GABRB2: variants seen among roughly 807,000 people sequenced by gnomAD.
GABRB2 encodes gamma-aminobutyric acid type A receptor subunit beta2, also known as gamma-aminobutyric acid receptor subunit beta-2.
GABRB2 carries 16 observed loss-of-function variants against 54.7 expected under a neutral mutation model. The ratio of observed to expected loss-of-function variants is 0.29; its 90% CI spans 0.20 to 0.44. The LOEUF is 0.44. GABRB2 is among the 20% of genes least tolerant of loss of function. The pLI, the probability that GABRB2 is intolerant of heterozygous loss-of-function variation, is 1.00. For synonymous variants in GABRB2, 244 were observed against 233.8 expected (o/e 1.04, Z -0.40); for missense variants, 355 against 644.0 (o/e 0.55, Z 4.86).
intron 9 of GABRB2, among the ~76,000 whole-genome samples, chr5:161,302,317 T>C (rs1757562854): frequency 6.6e-6 from 1 of 152,206 alleles, no homozygotes. Context: ...ATTTAAAATA[T>C]ATTGTATTAA....
chr5:161,460,789 C>T (rs572473429), intron 3 of GABRB2, among the ~76,000 whole-genome samples: 14 of 152,070 alleles, frequency 9.2e-5, no homozygotes, highest in South Asian at 2.1e-4. Flanking sequence ...GATAAATCAA[C>T]AGAATCATGT....
intron 4 of GABRB2, among the ~76,000 whole-genome samples, chr5:161,432,409 A>C (rs2113179822): frequency 6.6e-6 from 1 of 152,286 alleles, no homozygotes; most frequent in South Asian, 2.1e-4. Flanking sequence ...GAGGGAAATA[A>C]ACTCATTTCC....
At chr5:161,371,185 T>C (rs561215600) in intron 5 of GABRB2, among the ~76,000 whole-genome samples, 1 of 152,070 alleles carries the variant, frequency 6.6e-6, no homozygotes, top group African/African-American at 2.4e-5. Context: ...TACAAGACAA[T>C]ACTTTGTTTC....
intron 1 of GABRB2, 39 bp downstream of exon 1, chr5:161,546,528 A>G (rs749172453): frequency 6.3e-7 from 1 of 1,582,082 alleles, no homozygotes; most frequent in Non-Finnish European, 8.6e-7. Flanking sequence ...AGAACCCTTC[A>G]AAGTGAGAAC....
intron 3 of GABRB2, among the ~76,000 whole-genome samples, chr5:161,527,155 T>C (rs895584161): frequency 6.6e-6 from 1 of 150,816 alleles, no homozygotes; most frequent in Non-Finnish European, 1.5e-5. Context: ...GAAATATTAA[T>C]GAAGCAAATT....
intron 3 of GABRB2, among the ~76,000 whole-genome samples, chr5:161,492,154 T>C (rs1759105577): frequency 6.6e-6 from 1 of 151,664 alleles, no homozygotes; most frequent in Non-Finnish European, 1.5e-5. Flanking sequence ...TAAATATCAT[T>C]AGGATTCCAG....
intron 5 of GABRB2, among the ~76,000 whole-genome samples, chr5:161,370,008 G>A (rs1755086478): frequency 6.6e-6 from 1 of 151,986 alleles, no homozygotes; most frequent in Non-Finnish European, 1.5e-5. Context: ...CAGAATCTCT[G>A]GGTAAGATCT....
intron 4 of GABRB2, chr5:161,459,377 A>G: frequency 1.9e-6 from 1 of 529,002 alleles, no homozygotes; most frequent in Non-Finnish European, 3.4e-6. Flanking sequence ...CTAGTCCTTA[A>G]AGAAAGCAGC....
At chr5:161,464,369 A>G (rs112574019) in intron 3 of GABRB2, among the ~76,000 whole-genome samples, 14 of 152,246 alleles carry the variant, frequency 9.2e-5, no homozygotes, top group African/African-American at 3.1e-4. Flanking sequence ...ATGGAAAACA[A>G]ATTAAAAAAC....
chr5:161,544,260 C>T lies in GABRB2; in HGVS notation c.237+967G>A, dbSNP rs186750036. Among the ~76,000 whole-genome samples the T allele has an allele frequency of 8.8e-4, 134 of 152,292 alleles. 3 individuals carry two copies. The highest frequency in any genetic ancestry group is 3.1e-3 in the African/African-American group (128 of 41,578). The stretch of plus-strand genomic sequence containing the variant: ...CCAAAACACAACCTTCTGAAACGTG[C>T]TGTGTACTATCAGGACTGAAAGTAA... On this transcript the variant is annotated intron_variant, in intron 3 of 9. Coordinates refer to ENST00000393959, the MANE Select transcript of GABRB2 (RefSeq NM_001371727.1).
At position 161,293,285 on chromosome 5, in the gene GABRB2, C is replaced by T. The variant is rs1407066254; in HGVS notation, c.*796G>A. 1 of 152,288 alleles carries T rather than the reference C, an allele frequency of 6.6e-6. No individual in the cohort carries two copies. The allele number at this position is 152,288 out of a possible 1,614,324, so 9.4% of individuals were successfully genotyped here. A position where few individuals can be genotyped will look rare whatever the true frequency, so the allele number is the denominator to read the frequency against. On this transcript the variant is annotated 3_prime_UTR_variant, in exon 10 of 10. Transcript: ENST00000393959. Reference sequence around the variant, plus strand: ...CTGTGTGGAGCTGATAAGGGTCATGCTTTCTTGCTTGCTTGCTTTTTGTTA... The same window carrying T: ...CTGTGTGGAGCTGATAAGGGTCATGTTTTCTTGCTTGCTTGCTTTTTGTTA...
intron 5 of GABRB2, among the ~76,000 whole-genome samples, chr5:161,393,571 T>G (rs1237029343): frequency 6.6e-6 from 1 of 151,856 alleles, no homozygotes; most frequent in Non-Finnish European, 1.5e-5. Flanking sequence ...AGAAAAATAT[T>G]TATTATGCAA....
At chr5:161,471,651 G>A (rs1372624727) in intron 3 of GABRB2, among the ~76,000 whole-genome samples, 7 of 151,976 alleles carry the variant, frequency 4.6e-5, no homozygotes, top group African/African-American at 1.7e-4. Context: ...CCTTCTAGGT[G>A]ATAACGGGAC....
chr5:161,508,740 T>C (rs1759679335), intron 3 of GABRB2, among the ~76,000 whole-genome samples: 1 of 152,026 alleles, frequency 6.6e-6, no homozygotes, highest in African/African-American at 2.4e-5. Flanking sequence ...AGAGGATGAA[T>C]GCATAGCATT....
At chr5:161,326,755 A>G (rs1758375884) in intron 8 of GABRB2, among the ~76,000 whole-genome samples, 1 of 152,172 alleles carries the variant, frequency 6.6e-6, no homozygotes, top group South Asian at 2.1e-4. Flanking sequence ...CAACACAAAG[A>G]GTCACAGCAC....
At chr5:161,462,310 A>T (rs1758138319) in intron 3 of GABRB2, among the ~76,000 whole-genome samples, 1 of 152,204 alleles carries the variant, frequency 6.6e-6, no homozygotes, top group South Asian at 2.1e-4. Context: ...TAGAAGCAAG[A>T]TGAACATTCA....
At chr5:161,319,688 T>C (rs1446112819) in intron 9 of GABRB2, among the ~76,000 whole-genome samples, 1 of 151,680 alleles carries the variant, frequency 6.6e-6, no homozygotes, top group Non-Finnish European at 1.5e-5. Context: ...ATCTAAATCA[T>C]TTGGAAGTTT....
chr5:161,304,762 C>A (rs1355191952), intron 9 of GABRB2, among the ~76,000 whole-genome samples: 2 of 151,424 alleles, frequency 1.3e-5, no homozygotes, highest in African/African-American at 4.9e-5. Context: ...ACAGTACATT[C>A]GAATTGTTAC....
intron 3 of GABRB2, among the ~76,000 whole-genome samples, chr5:161,502,011 T>G (rs1364166233): frequency 6.7e-6 from 1 of 148,994 alleles, no homozygotes; most frequent in Admixed American, 6.7e-5. Flanking sequence ...CATGAATTTA[T>G]TTTATATTTA....
Sources: allele counts gnomAD v4.1 joint callset (sites outside exome capture counted in the v4.1 genomes callset), GRCh38; gene constraint gnomAD v4.1.1; transcripts MANE v1.5; gene names NCBI Gene and HGNC (gene_info 2026-07-23, HGNC 2026-07-21).